HYAL3: variants seen among roughly 807,000 people sequenced by gnomAD.
The protein encoded by HYAL3 is hyaluronidase-3.
HYAL3 carries 25 observed loss-of-function variants against 29.6 expected under a neutral mutation model. The ratio of observed to expected loss-of-function variants is 0.85; its 90% CI spans 0.62 to 1.18. HYAL3 has a LOEUF of 1.18. Ranked by LOEUF, HYAL3 falls within the 50% of genes most tolerant of loss-of-function variation. The pLI is 0.00. For synonymous variants in HYAL3, 215 were observed against 218.3 expected (o/e 0.99, Z 0.13); for missense variants, 442 against 548.4 (o/e 0.81, Z 1.94).
At chr3:50,295,678 T>G in intron 1 of HYAL3, 59 bp from the exon 2 acceptor site, 1 of 1,406,642 alleles carries the variant, frequency 7.1e-7, no homozygotes. Context: ...ACCTTCCACA[T>G]GGCAGGGAAA....
rs782657114 is a variant in HYAL3, at chr3:50,294,695, C to T, written c.894+14G>A. On this transcript the variant is annotated intron_variant, in intron 2 of 3. Coordinates refer to ENST00000336307, the MANE Select transcript of HYAL3 (RefSeq NM_003549.4). Reference sequence around the variant, plus strand: ...CCTCCTGACTCAGACCCCTAGACCTCAGCTTCCACTTACCTGGGACAGGAA... The same window carrying T: ...CCTCCTGACTCAGACCCCTAGACCTTAGCTTCCACTTACCTGGGACAGGAA... 5.3e-6 allele frequency: 8 copies of T among 1,500,224 alleles called. No homozygotes were observed. In the South Asian group the frequency reaches 1.1e-4, roughly 21 times the overall value. The allele number at this position is 1,500,224 out of a possible 1,614,324, so 92.9% of individuals were successfully genotyped here.
chr3:50,299,113 C>T, intron 1 of HYAL3, 100 bp downstream of exon 1: 2 of 1,610,582 alleles, frequency 1.2e-6, no homozygotes, highest in Non-Finnish European at 1.7e-6. Flanking sequence ...TGGAAACGAA[C>T]GACTGACGCG....
Position 50,299,228 on chromosome 3 carries a change from T to G in HYAL3, c.-33A>C, listed in dbSNP as rs1553711902. On this transcript the variant is annotated 5_prime_UTR_variant, in exon 1 of 4. Coordinates refer to ENST00000336307, the MANE Select transcript of HYAL3 (RefSeq NM_003549.4). ...CGGTACTGACATGTTGATGCTGGCC[T>G]CTGGGATGTTCCGCGTCCTAGCTCC... 1 of 1,614,162 alleles carries G rather than the reference T, an allele frequency of 6.2e-7. No homozygotes were observed. Among genetic ancestry groups the G allele is most frequent in the Admixed American group, 1.7e-5 (1 of 60,034 alleles).
chr3:50,296,844 G>C lies in HYAL3; in HGVS notation c.-17-1225C>G, dbSNP rs200439690. On this transcript the variant is annotated intron_variant, in intron 1 of 3. Transcript: ENST00000336307. ...GGCTGTGGGGAAGGCATTAAGCAGG[G>C]TGGCAGGCAGCCGTCTGCTGGTGAA... is the stretch of plus-strand genomic sequence containing the variant. 9.1e-5 allele frequency: 144 copies of C among 1,587,878 alleles called. No individual in the cohort carries two copies. The African/African-American group carries it at 1.6e-3, about 18-fold the overall frequency.
At chr3:50,296,779 C>A (rs1013329791) in intron 1 of HYAL3, 2 of 1,594,584 alleles carry the variant, frequency 1.3e-6, no homozygotes, top group Non-Finnish European at 1.7e-6. Context: ...GCAGCTTGGG[C>A]AGTCAGGTTT....
Position 50,294,888 on chromosome 3 carries a change from T to C in HYAL3, c.715A>G (p.Ser239Gly), listed in dbSNP as rs782503261. 1 of 1,565,368 alleles carries C rather than the reference T, an allele frequency of 6.4e-7. No homozygotes were observed. Reference protein sequence around the residue: ...TQLHWLWAASSALFPSIYLPP... With the variant: ...TQLHWLWAASGALFPSIYLPP... The stretch of plus-strand genomic sequence containing the variant: ...AGGTAGATGCTGGGGAAGAGGGCAC[T>C]GGAGGCGGCCCAGAGCCAATGCAGT... Residue 239 changes from serine (S) to glycine (G), a missense_variant, in exon 2 of 4, where the codon AGT becomes GGT. Transcript: ENST00000336307.
chr3:50,297,777 G>A lies in HYAL3; in HGVS notation c.-18+1436C>T, dbSNP rs1701914181. Reference sequence around the variant, plus strand: ...GGACCATGCATACTGGAACTGGGGAGTGGTGGGCTGCACTTTGTCCCACAC... The same window carrying A: ...GGACCATGCATACTGGAACTGGGGAATGGTGGGCTGCACTTTGTCCCACAC... On this transcript the variant is annotated intron_variant, in intron 1 of 3. Coordinates refer to ENST00000336307, the MANE Select transcript of HYAL3 (RefSeq NM_003549.4). This position sits in a 1 kb window ranked among gnomAD's most constrained non-coding sequence, Gnocchi z 4.3. 2.4e-6 allele frequency: 3 copies of A among 1,246,462 alleles called. No homozygotes were observed. The allele number at this position is 1,246,462 out of a possible 1,614,324, so 77.2% of individuals were successfully genotyped here. A position where few individuals can be genotyped will look rare whatever the true frequency, so the allele number is the denominator to read the frequency against.
rs1553710193 is a variant in HYAL3, at chr3:50,292,872, A to T, written c.*374T>A. ...ACTTTATGATGAAAGAGTGCAGACA[A>T]CAGCTTAGCACTTTACCGACCTTCG... is the stretch of plus-strand genomic sequence containing the variant. On this transcript the variant is annotated 3_prime_UTR_variant, in exon 4 of 4. Transcript: ENST00000336307. The T allele has an allele frequency of 3.4e-6, 5 of 1,486,762 alleles. No individual in the cohort carries two copies. Among genetic ancestry groups the T allele is most frequent in the Non-Finnish European group, 4.5e-6 (5 of 1,108,966 alleles). 92.1% of individuals were successfully genotyped at this position (1,486,762 alleles called of 1,614,324 possible).
chr3:50,296,946 T>TGG, intron 1 of HYAL3: 1 of 1,606,000 alleles, frequency 6.2e-7, no homozygotes, highest in Middle Eastern at 1.7e-4. Flanking sequence ...GGTGGTGAGA[T>TGG]GCAGCTTGCG....
chr3:50,295,921 C>A, intron 1 of HYAL3: 2 of 364,768 alleles, frequency 5.5e-6, no homozygotes, highest in Non-Finnish European at 9.9e-6. Context: ...ACAACTGTCA[C>A]AAGTCCCCTT....
Position 50,299,293 on chromosome 3 carries a change from C to A in HYAL3, c.-98G>T. On this transcript the variant is annotated 5_prime_UTR_variant, in exon 1 of 4. The change creates a new upstream start codon in the 5' untranslated region. Transcript: ENST00000336307. Reference sequence around the variant, plus strand: ...CTCACTCAGTCGCCACCTCGGACTCCTCGGTCCGACAACGTTGGCCCCCAG... The same window carrying A: ...CTCACTCAGTCGCCACCTCGGACTCATCGGTCCGACAACGTTGGCCCCCAG... 1 of 1,612,432 alleles carries A rather than the reference C, an allele frequency of 6.2e-7. No individual in the cohort carries two copies. The highest frequency in any genetic ancestry group is 8.5e-7 in the Non-Finnish European group (1 of 1,179,674).
In HYAL3 at chr3:50,292,999, C is replaced by T. The variant is rs587601842; in HGVS notation, c.*247G>A. 2 of 1,542,064 alleles carry T rather than the reference C, an allele frequency of 1.3e-6. No individual in the cohort carries two copies. Among genetic ancestry groups the T allele is most frequent in the African/African-American group, 2.7e-5 (2 of 73,946 alleles). On this transcript the variant is annotated 3_prime_UTR_variant, in exon 4 of 4. Coordinates refer to ENST00000336307, the MANE Select transcript of HYAL3 (RefSeq NM_003549.4). The stretch of plus-strand genomic sequence containing the variant: ...CAAAGCCCTAGGCTGGCAGCCCTAA[C>T]TAGCTGGAACCTGACTCTCCCTGGA...
rs1553710409 is a variant in HYAL3 at position 50,293,472 on chromosome 3, C to T, written c.1028G>A (p.Gly343Asp). 1 of 1,613,704 alleles carries T rather than the reference C, an allele frequency of 6.2e-7. No individual in the cohort carries two copies. Among genetic ancestry groups the T allele is most frequent in the Admixed American group, 1.7e-5 (1 of 60,022 alleles). Residue 343 changes from glycine to aspartate, a missense_variant, in exon 4 of 4, where the codon GGC becomes GAC. By Grantham distance (94) the Gly-to-Asp change is moderately conservative. Coordinates refer to ENST00000336307, the MANE Select transcript of HYAL3 (RefSeq NM_003549.4). ...CCTGGTCACATTGATCACATAGGGG[C>T]CCAAGGTGTCCACCAGGTAGTCATG... ...HLHDYLVDTLGPYVINVTRAA... is the reference protein window; with the variant it reads ...HLHDYLVDTLDPYVINVTRAA...
chr3:50,294,805 C>G lies in HYAL3; in HGVS notation c.798G>C (p.Glu266Asp). 6.6e-7 allele frequency: 1 copy of G among 1,522,830 alleles called. No individual in the cohort carries two copies. Among genetic ancestry groups the G allele is most frequent in the Non-Finnish European group, 8.8e-7 (1 of 1,132,852 alleles). The allele number at this position is 1,522,830 out of a possible 1,614,324, so 94.3% of individuals were successfully genotyped here. The change falls in exon 2 of 4, where the codon GAG becomes GAC. Residue 266 changes from glutamate (E) to aspartate (D), a missense_variant. Physicochemically the swap from Glu to Asp is conservative, Grantham distance 45. Coordinates refer to ENST00000336307, the MANE Select transcript of HYAL3 (RefSeq NM_003549.4). ...HQAFVRHRLE[E>D]AFRVALVGHR... is the part of the protein sequence containing the mutation. ...GCCCAACAAGGGCCACACGGAAGGC[C>G]TCCTCCAGGCGATGTCGGACAAAGG... is the stretch of plus-strand genomic sequence containing the variant.
Position 50,293,722 on chromosome 3 carries a change from C to T in HYAL3, c.895-1G>A. 2 of 1,613,522 alleles carry T rather than the reference C, an allele frequency of 1.2e-6. No homozygotes were observed. Among genetic ancestry groups the T allele is most frequent in the Non-Finnish European group, 1.7e-6 (2 of 1,179,974 alleles). On this transcript the variant is annotated splice_acceptor_variant, in intron 2 of 3. Transcript: ENST00000336307. LOFTEE classifies it high-confidence loss of function. Reference sequence around the variant, plus strand: ...CACCAATGGACTGCACAAGGTCATCCTGGAGGCAGAGAGCTGCTAAGCCAG... The same window carrying T: ...CACCAATGGACTGCACAAGGTCATCTTGGAGGCAGAGAGCTGCTAAGCCAG...
At position 50,293,163 on chromosome 3, in the gene HYAL3, T is replaced by C. The variant is rs1464513093; in HGVS notation, c.*83A>G. The stretch of plus-strand genomic sequence containing the variant: ...TTGGGAGGGTTGACTGTAAACTGAA[T>C]AGAGCAAGAGTGGGACAGAGTAGTT... On this transcript the variant is annotated 3_prime_UTR_variant, in exon 4 of 4. Transcript: ENST00000336307. 3.1e-6 allele frequency: 5 copies of C among 1,589,390 alleles called. No individual in the cohort carries two copies. Among genetic ancestry groups the C allele is most frequent in the Non-Finnish European group, 4.3e-6 (5 of 1,159,302 alleles).
Position 50,293,418 on chromosome 3 carries a change from C to G in HYAL3, c.1082G>C (p.Cys361Ser). The stretch of plus-strand genomic sequence containing the variant: ...CCGGGCACAGCGCCCGTGGCCATGG[C>G]ACCGCTGGTGACTGCAGGCCATCGC... The part of the protein sequence containing the change: ...RAAMACSHQR[C>S]HGHGRCARRD... The change falls in exon 4 of 4, where the codon TGC becomes TCC. Residue 361 changes from cysteine (C) to serine (S), a missense_variant. Coordinates refer to ENST00000336307, the MANE Select transcript of HYAL3 (RefSeq NM_003549.4). 1.2e-6 allele frequency: 2 copies of G among 1,613,700 alleles called. No individual in the cohort carries two copies. Among genetic ancestry groups the G allele is most frequent in the Non-Finnish European group, 1.7e-6 (2 of 1,180,032 alleles).
At chr3:50,298,899 C>T in intron 1 of HYAL3, 2 of 1,348,544 alleles carry the variant, frequency 1.5e-6, no homozygotes, top group Non-Finnish European at 1.9e-6. Flanking sequence ...TAGGGCTGAG[C>T]CCGGGGCTTC....
rs1553711610 is a variant in HYAL3, at chr3:50,297,567, G to A, written c.-18+1646C>T. ...CAGGTTCAGCTGAGTCAGGCTGGGA[G>A]CCAAGGTCACCTGCTGCTAGGTTGC... On this transcript the variant is annotated intron_variant, in intron 1 of 3. Transcript: ENST00000336307. This position sits in a 1 kb window ranked among gnomAD's most constrained non-coding sequence, Gnocchi z 4.3. 2 of 1,497,736 alleles carry A rather than the reference G, an allele frequency of 1.3e-6. No homozygotes were observed. The highest frequency in any genetic ancestry group is 2.3e-5 in the Admixed American group (1 of 43,096). 92.8% of individuals were successfully genotyped at this position (1,497,736 alleles called of 1,614,324 possible).
Sources: gnomAD v4.1 joint callset for allele counts on GRCh38, gnomAD v4.1.1 for gene constraint, Gnocchi (gnomAD v3.1) non-coding constraint, MANE v1.5 for transcripts, NCBI Gene and HGNC (gene_info 2026-07-23, HGNC 2026-07-21) for gene names.